The following LRCH1 variants were observed in gnomAD, a reference collection of about 807,000 sequenced individuals.
LRCH1 encodes leucine-rich repeat and calponin homology domain-containing protein 1.
In LRCH1, 23 loss-of-function variants were observed where a neutral mutation model predicts 94.9. The observed-to-expected ratio is 0.24, with a 90% CI of 0.17 to 0.34. LRCH1 has a LOEUF of 0.34. Among genes scored for constraint, LRCH1 ranks in the 10% least tolerant of loss-of-function variants. The probability of loss-of-function intolerance (pLI) is 1.00; values close to 1 mark genes in which losing one functional copy is unlikely to be tolerated. For missense variants in LRCH1, 790 were observed against 945.9 expected (o/e 0.84, Z 2.16); for synonymous variants, 364 against 354.9 (o/e 1.03, Z -0.29).
intron 1 of LRCH1, among the ~76,000 whole-genome samples, chr13:46,616,641 TC>T (rs2050812196): frequency 6.6e-6 from 1 of 152,254 alleles, no homozygotes; most frequent in Non-Finnish European, 1.5e-5. Context: ...ATCTCTTATT[TC>T]TGCATGAAGG....
chr13:46,582,491 T>G (rs1403968640), intron 1 of LRCH1, among the ~76,000 whole-genome samples: 1 of 138,674 alleles, frequency 7.2e-6, no homozygotes, highest in Non-Finnish European at 1.5e-5. Context: ...AACATATTGT[T>G]TTTTTTTTTT....
In LRCH1 at chr13:46,741,685, G is replaced by A. The variant is rs200528685; in HGVS notation, c.2129G>A (p.Arg710His). 3.0e-5 allele frequency: 48 copies of A among 1,614,002 alleles called. No individual in the cohort carries two copies. Among genetic ancestry groups the A allele is most frequent in the Middle Eastern group, 3.3e-4 (2 of 6,084 alleles). The change falls in exon 20 of 20, where the codon CGT becomes CAT. Residue 710 changes from arginine (R) to histidine (H), a missense_variant. By Grantham distance (29) the Arg-to-His change is conservative. This residue lies in a region of LRCH1 where 460 missense variants were observed against 508.9 expected (regional missense o/e 0.90). Transcript: ENST00000389797. ...TGTGACATCCTGCAGTTGGATTTTC[G>A]TCACATTCGAAAGACTGTTGACACT... ...SPCDILQLDF[R>H]HIRKTVDTLL...
intron 17 of LRCH1, among the ~76,000 whole-genome samples, chr13:46,724,471 A>ATTTGAG (rs1872721162): frequency 6.6e-6 from 1 of 152,204 alleles, no homozygotes; most frequent in South Asian, 2.1e-4. Context: ...TAGGCAAACC[A>ATTTGAG]TTTGAGTTTC....
At chr13:46,657,264 T>C (rs1460534349) in intron 2 of LRCH1, among the ~76,000 whole-genome samples, 1 of 151,960 alleles carries the variant, frequency 6.6e-6, no homozygotes, top group African/African-American at 2.4e-5. Context: ...CATTTATTTG[T>C]CTAATGAGAC....
At chr13:46,553,890 G>GC (rs942883478) in intron 1 of LRCH1, among the ~76,000 whole-genome samples, 187 bp downstream of exon 1, 3 of 152,230 alleles carry the variant, frequency 2.0e-5, no homozygotes, top group African/African-American at 7.2e-5. Flanking sequence ...GGGCACGGGG[G>GC]CCCTGCCTGG....
At chr13:46,717,055 C>CT (rs11304827) in intron 16 of LRCH1, among the ~76,000 whole-genome samples, 66 of 148,750 alleles carry the variant, frequency 4.4e-4, no homozygotes, top group East Asian at 3.2e-3. Flanking sequence ...AACCAAAGGC[C>CT]TTTTTTTTTT....
At chr13:46,737,709 A>G (rs1593387117) in intron 19 of LRCH1, among the ~76,000 whole-genome samples, 1 of 152,278 alleles carries the variant, frequency 6.6e-6, no homozygotes. Flanking sequence ...GAGGCTTTTA[A>G]TGGACACATT....
intron 15 of LRCH1, 113 bp from the exon 16 acceptor site, chr13:46,715,446 TC>T: frequency 1.5e-6 from 1 of 645,820 alleles, no homozygotes; most frequent in Non-Finnish European, 2.8e-6. Flanking sequence ...ATAAATGAAA[TC>T]CACTCTTCAT....
chr13:46,664,134 G>A (rs1290654629), intron 2 of LRCH1, among the ~76,000 whole-genome samples: 1 of 152,150 alleles, frequency 6.6e-6, no homozygotes, highest in Non-Finnish European at 1.5e-5. Context: ...GCATGTCTGA[G>A]CTATCTCTTT....
chr13:46,699,955 C>G (rs879649446), intron 10 of LRCH1, among the ~76,000 whole-genome samples: 1 of 152,184 alleles, frequency 6.6e-6, no homozygotes, highest in Non-Finnish European at 1.5e-5. Flanking sequence ...TCACAGATGA[C>G]GAAACTGAGG....
intron 3 of LRCH1, among the ~76,000 whole-genome samples, chr13:46,678,978 TA>T (rs955646672): frequency 8.5e-5 from 13 of 152,340 alleles, no homozygotes; most frequent in African/African-American, 3.1e-4. Flanking sequence ...GAAAGATTTT[TA>T]AAAAATTATG....
chr13:46,686,869 T>G (rs552080477), intron 5 of LRCH1, among the ~76,000 whole-genome samples: 1 of 152,028 alleles, frequency 6.6e-6, no homozygotes, highest in East Asian at 1.9e-4. Flanking sequence ...AGCACTTGGC[T>G]CACTATGCTA....
intron 1 of LRCH1, among the ~76,000 whole-genome samples, chr13:46,631,854 C>G: frequency 6.6e-6 from 1 of 152,182 alleles, no homozygotes; most frequent in South Asian, 2.1e-4. Flanking sequence ...TCTGCGTCTC[C>G]GTTTCCTCTT....
At chr13:46,651,153 A>G (rs981679546) in intron 2 of LRCH1, among the ~76,000 whole-genome samples, 6 of 152,186 alleles carry the variant, frequency 3.9e-5, no homozygotes, top group African/African-American at 7.2e-5. Context: ...AAGATCCCCA[A>G]TTGCAAGCCT....
At position 46,743,506 on chromosome 13, in the gene LRCH1, T is replaced by C. The variant is rs1346611066; in HGVS notation, c.*1658T>C. 1.0e-6 allele frequency: 1 copy of C among 985,734 alleles called. No homozygotes were observed. Among genetic ancestry groups the C allele is most frequent in the East Asian group, 1.1e-4 (1 of 8,830 alleles). The allele number at this position is 985,734 out of a possible 1,614,324, so 61.1% of individuals were successfully genotyped here. ...TTACTTTTGGTGCTATCTTGTACTCTTCAATCTGTAACACAATAAAATCCC... is the reference window on the plus strand; with the variant it reads ...TTACTTTTGGTGCTATCTTGTACTCCTCAATCTGTAACACAATAAAATCCC... On this transcript the variant is annotated 3_prime_UTR_variant, in exon 20 of 20. Transcript: ENST00000389797.
intron 1 of LRCH1, among the ~76,000 whole-genome samples, chr13:46,615,725 A>G (rs921240731): frequency 6.6e-6 from 1 of 152,100 alleles, no homozygotes; most frequent in African/African-American, 2.4e-5. Context: ...TGTCCCCAAG[A>G]TTGGATGTTT....
At chr13:46,601,379 T>G in intron 1 of LRCH1, among the ~76,000 whole-genome samples, 1 of 152,192 alleles carries the variant, frequency 6.6e-6, no homozygotes, top group East Asian at 1.9e-4. Context: ...GTGTAAAAAC[T>G]TATGTTTGAG....
chr13:46,672,822 G>A (rs1317577892), intron 3 of LRCH1, among the ~76,000 whole-genome samples: 1 of 152,188 alleles, frequency 6.6e-6, no homozygotes, highest in Non-Finnish European at 1.5e-5. Flanking sequence ...GATTGTAAAA[G>A]GCATTTAGTC....
chr13:46,660,249 C>T (rs1199960054), intron 2 of LRCH1, among the ~76,000 whole-genome samples: 2 of 151,774 alleles, frequency 1.3e-5, no homozygotes, highest in African/African-American at 4.8e-5. Context: ...CTCCTGACTT[C>T]GTGATCCACC....
Sources: allele counts gnomAD v4.1 joint callset (sites outside exome capture counted in the v4.1 genomes callset), GRCh38; gene constraint gnomAD v4.1.1; regional missense constraint gnomAD v4.1.1; transcripts MANE v1.5; gene names NCBI Gene and HGNC (gene_info 2026-07-23, HGNC 2026-07-21).